Variants in COL13A1 observed in about 807,000 individuals in gnomAD.
COL13A1 encodes collagen alpha-1(XIII) chain.
In COL13A1, 89 loss-of-function variants were observed where a neutral mutation model predicts 130.9. The observed-to-expected ratio is 0.68, with a 90% CI of 0.57 to 0.81. The LOEUF (loss-of-function observed/expected upper bound fraction) is 0.81, where lower values mean the gene tolerates loss of function less well. Among genes scored for constraint, COL13A1 ranks in the 30% least tolerant of loss-of-function variants. The pLI is 0.00. For missense variants in COL13A1, 879 were observed against 934.6 expected (o/e 0.94, Z 0.78); for synonymous variants, 402 against 341.6 (o/e 1.18, Z -1.95).
intron 1 of COL13A1, among the ~76,000 whole-genome samples, chr10:69,803,454 G>A (rs1840613057): frequency 6.6e-6 from 1 of 152,226 alleles, no homozygotes; most frequent in Non-Finnish European, 1.5e-5. Context: ...CCCTCCCCAG[G>A]AAGGAGGGAC....
chr10:69,877,257 G>C (rs1331338242), intron 5 of COL13A1: 2 of 152,292 alleles, frequency 1.3e-5, no homozygotes, highest in African/African-American at 4.8e-5. Flanking sequence ...GGGTGGATTG[G>C]GACTGTCCAT....
At chr10:69,809,749 C>T (rs1260649318) in intron 1 of COL13A1, among the ~76,000 whole-genome samples, 3 of 152,252 alleles carry the variant, frequency 2.0e-5, no homozygotes, top group Admixed American at 6.5e-5. Context: ...GCGTCAGGGC[C>T]GTGCCACCAT....
At chr10:69,832,528 G>A (rs186773037) in intron 2 of COL13A1, among the ~76,000 whole-genome samples, 1 of 152,354 alleles carries the variant, frequency 6.6e-6, no homozygotes, top group East Asian at 1.9e-4. Flanking sequence ...TCTGACTCCA[G>A]ATGGAGGATA....
At chr10:69,804,461 G>GCTCCATATTTACCCTA (rs1189832656) in intron 1 of COL13A1, among the ~76,000 whole-genome samples, 11 of 151,992 alleles carry the variant, frequency 7.2e-5, no homozygotes, top group Non-Finnish European at 1.0e-4. Flanking sequence ...CCAAGCTGCA[G>GCTCCATATTTACCCTA]CTCCATATTT....
At chr10:69,833,682 G>A (rs1849339761) in intron 2 of COL13A1, among the ~76,000 whole-genome samples, 1 of 152,194 alleles carries the variant, frequency 6.6e-6, no homozygotes, top group Non-Finnish European at 1.5e-5. Flanking sequence ...ATGAGAATGT[G>A]CATGAGGACA....
At chr10:69,830,967 A>G (rs11595284) in intron 2 of COL13A1, among the ~76,000 whole-genome samples, 10,491 of 152,248 alleles carry the variant, frequency 0.069, 472 homozygotes, top group Non-Finnish European at 0.1. Context: ...ATTTAGCATA[A>G]TGTTTTCAAG....
At chr10:69,833,368 A>G (rs1376329240) in intron 2 of COL13A1, among the ~76,000 whole-genome samples, 1 of 152,164 alleles carries the variant, frequency 6.6e-6, no homozygotes, top group East Asian at 1.9e-4. Flanking sequence ...CAGCAGCCAG[A>G]CTTCTGGACT....
At chr10:69,865,645 A>T (rs187480696) in intron 2 of COL13A1, among the ~76,000 whole-genome samples, 1 of 152,330 alleles carries the variant, frequency 6.6e-6, no homozygotes, top group Admixed American at 6.5e-5. Context: ...CCTGTAGGGG[A>T]CAGGTATGGG....
chr10:69,874,199 C>T (rs2059363814), intron 4 of COL13A1, among the ~76,000 whole-genome samples: 1 of 152,200 alleles, frequency 6.6e-6, no homozygotes, highest in East Asian at 1.9e-4. Context: ...TCTGGTGTGC[C>T]CCACATACAT....
At chr10:69,868,119 CAAAAAAAAAA>C (rs55856106) in intron 3 of COL13A1, among the ~76,000 whole-genome samples, 1 of 126,974 alleles carries the variant, frequency 7.9e-6, no homozygotes, top group African/African-American at 3.0e-5. Context: ...CTATTGGAGT[CAAAAAAAAAA>C]AAAAAAAAAA....
Position 69,878,028 on chromosome 10 carries a change from G to A in COL13A1, c.436-11G>A. On this transcript the variant is annotated splice_polypyrimidine_tract_variant and intron_variant, in intron 5 of 40. Transcript: ENST00000645393. ...CCTTCCTGCACCCTGTGTTGCATGT[G>A]GCTGCCCCAGGGAGTAAAGGGCCAA... The A allele has an allele frequency of 1.4e-6, 1 of 702,748 alleles. No individual in the cohort carries two copies. The highest frequency in any genetic ancestry group is 1.5e-5 in the South Asian group (1 of 67,568). 43.5% of individuals were successfully genotyped at this position (702,748 alleles called of 1,614,324 possible). A position where few individuals can be genotyped will look rare whatever the true frequency, so the allele number is the denominator to read the frequency against.
intron 2 of COL13A1, among the ~76,000 whole-genome samples, chr10:69,835,156 G>A (rs1437011018): frequency 6.6e-6 from 1 of 152,160 alleles, no homozygotes; most frequent in East Asian, 1.9e-4. Context: ...GCTGCTGGGG[G>A]CAGATGAGCT....
chr10:69,897,509 C>T lies in COL13A1; in HGVS notation c.685-1188C>T, dbSNP rs866634892. ...AGCAGCATGCCAGCAGCTCTGCGCT[C>T]CAGCCAAATAATTGCCCTGAAGGTT... is the stretch of plus-strand genomic sequence containing the variant. On this transcript the variant is annotated intron_variant, in intron 13 of 40. Transcript: ENST00000645393. 12 of 1,613,860 alleles carry T rather than the reference C, an allele frequency of 7.4e-6. No homozygotes were observed. The African/African-American group carries it at 9.3e-5, about 13-fold the overall frequency.
intron 1 of COL13A1, among the ~76,000 whole-genome samples, chr10:69,819,298 T>C (rs1032412816): frequency 1.3e-5 from 2 of 152,192 alleles, no homozygotes; most frequent in African/African-American, 2.4e-5. Flanking sequence ...TCTCAGGAAA[T>C]GTGAAAGTCA....
intron 13 of COL13A1, 52 bp downstream of exon 13, chr10:69,895,628 C>A: frequency 1.3e-6 from 2 of 1,596,932 alleles, no homozygotes; most frequent in Non-Finnish European, 1.7e-6. Flanking sequence ...CCCTGGGGCA[C>A]AGCGCCCAGC....
At chr10:69,812,092 A>G (rs1009074920) in intron 1 of COL13A1, among the ~76,000 whole-genome samples, 3 of 152,214 alleles carry the variant, frequency 2.0e-5, no homozygotes, top group African/African-American at 7.2e-5. Context: ...ACTAAGTGTA[A>G]TCACGCCGTC....
At chr10:69,896,985 A>G (rs545491564) in intron 13 of COL13A1, among the ~76,000 whole-genome samples, 4 of 152,094 alleles carry the variant, frequency 2.6e-5, no homozygotes, top group Non-Finnish European at 5.9e-5. Flanking sequence ...ACAACTGCAG[A>G]CGCTTTGGTA....
chr10:69,837,132 T>C (rs147426212), intron 2 of COL13A1, among the ~76,000 whole-genome samples: 6 of 152,292 alleles, frequency 3.9e-5, no homozygotes, highest in African/African-American at 1.4e-4. Context: ...TCCTCTTCAT[T>C]TTCCTATAGG....
intron 21 of COL13A1, among the ~76,000 whole-genome samples, chr10:69,921,510 T>G (rs567692548): frequency 6.6e-6 from 1 of 152,280 alleles, no homozygotes; most frequent in East Asian, 1.9e-4. Flanking sequence ...TCAAAAGGAA[T>G]TGCTTGCCCA....
Sources: gnomAD v4.1 joint callset for allele counts (sites outside exome capture counted in the v4.1 genomes callset) on GRCh38, gnomAD v4.1.1 for gene constraint, MANE v1.5 for transcripts, NCBI Gene and HGNC (gene_info 2026-07-23, HGNC 2026-07-21) for gene names.